Variants in CSMD1 observed in about 807,000 individuals in gnomAD.
CSMD1 encodes CUB and sushi domain-containing protein 1.
A neutral mutation model predicts 417.5 loss-of-function variants in CSMD1; 213 were observed. The observed-to-expected ratio is 0.51, with a 90% CI of 0.46 to 0.57. CSMD1 has a LOEUF of 0.57. CSMD1 is among the 20% of genes least tolerant of loss of function. The pLI is 0.00. For synonymous variants in CSMD1, 2,862 were observed against 1,736.8 expected, an observed-to-expected ratio of 1.65 and a Z score of -16.11; for missense variants, 6,923 against 4,529.7, an observed-to-expected ratio of 1.53 and a Z score of -15.17.
Position 3,457,084 on chromosome 8 carries a change from T to G in CSMD1, c.1561+11628A>C, listed in dbSNP as rs1363754880. ...TCACCTGTATCCCTCATTCTGCACC[T>G]CTCTTCCTGGACCCCTCCCTCTGAA... On this transcript the variant is annotated intron_variant, in intron 12 of 69. Coordinates refer to ENST00000635120, the MANE Select transcript of CSMD1 (RefSeq NM_033225.6). 2.0e-5 allele frequency among the ~76,000 whole-genome samples: 3 copies of G among 151,552 alleles called. No homozygotes were observed. In the East Asian group the frequency reaches 5.9e-4, roughly 30 times the overall value.
chr8:4,290,226 C>CA (rs112371829), intron 3 of CSMD1, among the ~76,000 whole-genome samples: 3,764 of 152,188 alleles, frequency 0.025, 170 homozygotes, highest in African/African-American at 0.086. Context: ...TGTGTGTCTG[C>CA]AAAAACCCAT....
intron 12 of CSMD1, among the ~76,000 whole-genome samples, chr8:3,444,672 G>T (rs1288099355): frequency 6.6e-6 from 1 of 152,130 alleles, no homozygotes; most frequent in Non-Finnish European, 1.5e-5. Context: ...TGGAAATGGT[G>T]ATAGGCCTGA....
chr8:3,966,954 T>A (rs1024617163), intron 5 of CSMD1, among the ~76,000 whole-genome samples: 2 of 152,332 alleles, frequency 1.3e-5, no homozygotes, highest in African/African-American at 4.8e-5. Flanking sequence ...ATAATTCAAA[T>A]TCTCCATTCT....
At chr8:3,794,920 C>CT (rs1031161273) in intron 5 of CSMD1, among the ~76,000 whole-genome samples, 40 of 151,814 alleles carry the variant, frequency 2.6e-4, no homozygotes, top group African/African-American at 9.4e-4. Flanking sequence ...CCATTTTCAT[C>CT]TTTTCTAACC....
intron 7 of CSMD1, among the ~76,000 whole-genome samples, chr8:3,644,883 T>G (rs570392970): frequency 6.9e-6 from 1 of 145,432 alleles, no homozygotes; most frequent in East Asian, 2.0e-4. Context: ...GCATCTGCCA[T>G]GCAGTGATTA....
Position 2,937,489 on chromosome 8 carries a change from T to G in CSMD1, c.*1096A>C, listed in dbSNP as rs575249408. ...CACTGCAAAAGGGAAGGCTGCATTGTGAGCTAAAACCCACAAGTTCATCGA... is the reference window on the plus strand; with the variant it reads ...CACTGCAAAAGGGAAGGCTGCATTGGGAGCTAAAACCCACAAGTTCATCGA... On this transcript the variant is annotated 3_prime_UTR_variant, in exon 70 of 70. Transcript: ENST00000635120. The G allele has an allele frequency of 6.6e-6, 1 of 151,768 alleles. No individual in the cohort carries two copies. Among genetic ancestry groups the G allele is most frequent in the African/African-American group, 2.4e-5 (1 of 41,376 alleles). 9.4% of individuals were successfully genotyped at this position (151,768 alleles called of 1,614,324 possible). A position where few individuals can be genotyped will look rare whatever the true frequency, so the allele number is the denominator to read the frequency against.
rs571944629 is a variant in CSMD1, at chr8:4,369,528, C to T, written c.415+50425G>A. The stretch of plus-strand genomic sequence containing the variant: ...TCTGCCACAATGATTTGTCTAACAC[C>T]GTCAGTGCAGTATTGAAGTCTCCCA... On this transcript the variant is annotated intron_variant, in intron 3 of 69. Transcript: ENST00000635120. 1.6e-4 allele frequency among the ~76,000 whole-genome samples: 25 copies of T among 152,186 alleles called. No individual in the cohort carries two copies. In the East Asian group the frequency reaches 1.7e-3, roughly 11 times the overall value.
chr8:4,214,680 T>G (rs550183413), intron 3 of CSMD1, among the ~76,000 whole-genome samples: 13 of 152,218 alleles, frequency 8.5e-5, no homozygotes, highest in African/African-American at 3.1e-4. Flanking sequence ...ATGAGTGTGT[T>G]TGGTGTGTGT....
chr8:2,968,464 AC>A (rs1430431305), intron 57 of CSMD1, among the ~76,000 whole-genome samples: 1 of 152,238 alleles, frequency 6.6e-6, no homozygotes, highest in African/African-American at 2.4e-5. Context: ...TTGTAAGGAA[AC>A]TAAAATGTTA....
intron 2 of CSMD1, among the ~76,000 whole-genome samples, chr8:4,435,685 T>C (rs1379597563): frequency 6.6e-6 from 1 of 152,194 alleles, no homozygotes; most frequent in Non-Finnish European, 1.5e-5. Flanking sequence ...GAGTTGTTAC[T>C]GACAAGTGGA....
intron 7 of CSMD1, among the ~76,000 whole-genome samples, chr8:3,644,388 G>C (rs1016300445): frequency 3.9e-5 from 6 of 152,286 alleles, no homozygotes; most frequent in Non-Finnish European, 5.9e-5. Flanking sequence ...TGAGACCCTG[G>C]AGAAGCCCTG....
intron 5 of CSMD1, among the ~76,000 whole-genome samples, chr8:3,898,573 T>G (rs369582634): frequency 4.6e-5 from 7 of 152,204 alleles, no homozygotes; most frequent in African/African-American, 1.7e-4. Context: ...TAATGGAATA[T>G]GAAGATAGAA....
At chr8:3,328,468 T>G (rs932255090) in intron 23 of CSMD1, among the ~76,000 whole-genome samples, 1 of 152,216 alleles carries the variant, frequency 6.6e-6, no homozygotes, top group Non-Finnish European at 1.5e-5. Context: ...CAAAATTTTG[T>G]CTGTTGCTAC....
intron 65 of CSMD1, among the ~76,000 whole-genome samples, chr8:2,953,645 T>C (rs1197650920): frequency 6.6e-6 from 1 of 152,244 alleles, no homozygotes; most frequent in Non-Finnish European, 1.5e-5. Flanking sequence ...CAGATGATTT[T>C]GTATAGTAAA....
intron 1 of CSMD1, among the ~76,000 whole-genome samples, chr8:4,877,608 T>G (rs1354973427): frequency 6.6e-6 from 1 of 152,080 alleles, no homozygotes; most frequent in Non-Finnish European, 1.5e-5. Context: ...CCATCTCACT[T>G]TCCTAATTTC....
At chr8:4,038,388 G>A (rs1314700365) in intron 3 of CSMD1, among the ~76,000 whole-genome samples, 1 of 152,094 alleles carries the variant, frequency 6.6e-6, no homozygotes, top group Non-Finnish European at 1.5e-5. Context: ...AAATATTGAT[G>A]GAATTGTTGC....
intron 12 of CSMD1, among the ~76,000 whole-genome samples, chr8:3,411,683 TGTA>T: frequency 1.6e-5 from 1 of 64,292 alleles, no homozygotes. Flanking sequence ...TATATATACG[TGTA>T]TATATACACA....
Position 4,048,267 on chromosome 8 carries a change from A to AT in CSMD1, c.416-16169dup, listed in dbSNP as rs1240157612. On this transcript the variant is annotated intron_variant, in intron 3 of 69. Transcript: ENST00000635120. ...TTAGAATGAAAAGTGATACCTACAC[A>AT]TTTTTACACTAATTATGAGCATAAG... 2.0e-5 allele frequency among the ~76,000 whole-genome samples: 3 copies of AT among 152,272 alleles called. No individual in the cohort carries two copies. In the East Asian group the frequency reaches 5.8e-4, roughly 29 times the overall value.
chr8:4,417,324 T>A (rs952421991), intron 3 of CSMD1, among the ~76,000 whole-genome samples: 1 of 152,054 alleles, frequency 6.6e-6, no homozygotes, highest in African/African-American at 2.4e-5. Context: ...ATAGTTTATG[T>A]AAATAAAGCC....
Sources: allele counts gnomAD v4.1 joint callset (sites outside exome capture counted in the v4.1 genomes callset), GRCh38; gene constraint gnomAD v4.1.1; transcripts MANE v1.5; gene names NCBI Gene and HGNC (gene_info 2026-07-23, HGNC 2026-07-21).